MED13L: variants seen among roughly 807,000 people sequenced by gnomAD.
MED13L encodes the protein mediator complex subunit 13L, also known as mediator of RNA polymerase II transcription subunit 13-like.
In MED13L, 7 loss-of-function variants were observed where a neutral mutation model predicts 220.9. The ratio of observed to expected loss-of-function variants is 0.03; its 90% CI spans 0.02 to 0.06. The LOEUF (loss-of-function observed/expected upper bound fraction) is 0.06. Ranked by LOEUF, MED13L falls within the 10% of genes least tolerant of loss-of-function variation. MED13L has a pLI of 1.00. For synonymous variants in MED13L, 1,011 were observed against 1,015.2 expected (o/e 1.00, Z 0.08); for missense variants, 1,965 against 2,760.5 (o/e 0.71, Z 6.46).
chr12:116,014,301 C>T (rs1352905246), intron 8 of MED13L, among the ~76,000 whole-genome samples: 4 of 152,214 alleles, frequency 2.6e-5, no homozygotes, highest in African/African-American at 9.6e-5. Context: ...ATTTTACTGA[C>T]ATGCATGTCC....
chr12:116,227,876 A>T (rs1349241060), intron 2 of MED13L, among the ~76,000 whole-genome samples: 1 of 152,238 alleles, frequency 6.6e-6, no homozygotes, highest in Non-Finnish European at 1.5e-5. Context: ...AGATAGGCTG[A>T]AAACTAGTGC....
At chr12:116,114,662 T>G (rs546755234) in intron 2 of MED13L, among the ~76,000 whole-genome samples, 3 of 152,142 alleles carry the variant, frequency 2.0e-5, no homozygotes, top group African/African-American at 7.2e-5. Flanking sequence ...AAAGAAGAAA[T>G]AATCGTCTCT....
At chr12:116,133,366 G>A (rs2138013496) in intron 2 of MED13L, among the ~76,000 whole-genome samples, 1 of 152,288 alleles carries the variant, frequency 6.6e-6, no homozygotes, top group Admixed American at 6.5e-5. Flanking sequence ...TTAATGTTAA[G>A]AGGAGCAACA....
At position 116,102,377 on chromosome 12, in the gene MED13L, C is replaced by T. The variant is rs140452348; in HGVS notation, c.396-5625G>A. 9.4e-4 allele frequency among the ~76,000 whole-genome samples: 143 copies of T among 152,324 alleles called. 1 individual carries two copies. The highest frequency in any genetic ancestry group is 3.3e-3 in the African/African-American group (136 of 41,566). ...AAGGCAGCCCATCACTAGCTCTGTT[C>T]TTTTCTGTGCCCTTCAAATTATTTA... On this transcript the variant is annotated intron_variant, in intron 3 of 30. Coordinates refer to ENST00000281928, the MANE Select transcript of MED13L (RefSeq NM_015335.5).
intron 20 of MED13L, among the ~76,000 whole-genome samples, 193 bp from the exon 21 acceptor site, chr12:115,983,733 T>C (rs1877497347): frequency 6.6e-6 from 1 of 152,190 alleles, no homozygotes; most frequent in Non-Finnish European, 1.5e-5. Context: ...GAGCAACTTA[T>C]AAATTCTACA....
intron 10 of MED13L, 58 bp downstream of exon 10, chr12:116,008,343 G>A: frequency 6.5e-7 from 1 of 1,542,814 alleles, no homozygotes; most frequent in South Asian, 1.3e-5. Context: ...AGGTAGAGAT[G>A]GGGAGGGAGC....
chr12:116,232,756 A>G (rs928985392), intron 2 of MED13L, among the ~76,000 whole-genome samples: 2 of 152,088 alleles, frequency 1.3e-5, no homozygotes, highest in Non-Finnish European at 2.9e-5. Flanking sequence ...CCACTAACTA[A>G]CAGGCAGTGA....
At chr12:116,027,074 C>A (rs1880438187) in intron 4 of MED13L, among the ~76,000 whole-genome samples, 1 of 115,928 alleles carries the variant, frequency 8.6e-6, no homozygotes, top group Non-Finnish European at 1.7e-5. Flanking sequence ...TTTCCACACA[C>A]AATTTGCTTA....
intron 2 of MED13L, among the ~76,000 whole-genome samples, chr12:116,179,974 G>A (rs912584805): frequency 5.9e-5 from 9 of 152,126 alleles, no homozygotes; most frequent in Non-Finnish European, 1.0e-4. Context: ...GTAAGATGCT[G>A]GTCACGTCTC....
At chr12:116,254,567 G>A (rs1306354812) in intron 1 of MED13L, among the ~76,000 whole-genome samples, 3 of 151,990 alleles carry the variant, frequency 2.0e-5, no homozygotes, top group Non-Finnish European at 4.4e-5. Flanking sequence ...TGGTCAACAT[G>A]ATGAAACTCT....
rs142219633 is a variant in MED13L, at chr12:116,055,696, A to G, written c.480-33095T>C. Among the ~76,000 whole-genome samples the G allele has an allele frequency of 2.5e-3, 376 of 152,264 alleles. 2 individuals are homozygous for G. Among genetic ancestry groups the G allele is most frequent in the African/African-American group, 8.7e-3 (361 of 41,556 alleles). On this transcript the variant is annotated intron_variant, in intron 4 of 30. Coordinates refer to ENST00000281928, the MANE Select transcript of MED13L (RefSeq NM_015335.5). ...GATCACCTGAGGTCGGGAGTTCAAG[A>G]CCAGCCTAGCCAACATAGTGAAACC...
intron 1 of MED13L, among the ~76,000 whole-genome samples, chr12:116,255,176 G>C (rs1366978541): frequency 6.6e-6 from 1 of 152,120 alleles, no homozygotes; most frequent in Non-Finnish European, 1.5e-5. Context: ...TGTAGTACTG[G>C]CATAACAGAC....
At chr12:116,013,319 G>A (rs1390732942) in intron 8 of MED13L, among the ~76,000 whole-genome samples, 1 of 152,212 alleles carries the variant, frequency 6.6e-6, no homozygotes, top group Non-Finnish European at 1.5e-5. Flanking sequence ...AGGAATGATG[G>A]TGATGCCAAA....
intron 5 of MED13L, among the ~76,000 whole-genome samples, chr12:116,020,211 C>T (rs1022204664): frequency 1.1e-4 from 17 of 152,042 alleles, no homozygotes; most frequent in African/African-American, 3.9e-4. Context: ...GTGATGCTCC[C>T]GCCTTAGCCA....
chr12:115,986,943 A>C (rs1391110037), intron 18 of MED13L, among the ~76,000 whole-genome samples, 166 bp downstream of exon 18: 5 of 152,192 alleles, frequency 3.3e-5, no homozygotes, highest in Admixed American at 3.3e-4. Flanking sequence ...AGGAAACTTG[A>C]CTCCAAAAGT....
intron 4 of MED13L, among the ~76,000 whole-genome samples, chr12:116,088,357 T>C (rs936799138): frequency 2.0e-5 from 3 of 152,158 alleles, no homozygotes; most frequent in East Asian, 1.9e-4. Context: ...CTCTGGCCAA[T>C]TCCTACACTA....
At chr12:116,177,159 C>T (rs543930290) in intron 2 of MED13L, among the ~76,000 whole-genome samples, 5 of 152,226 alleles carry the variant, frequency 3.3e-5, no homozygotes, top group African/African-American at 9.6e-5. Context: ...CACTCACCAA[C>T]ACCGAAATCT....
intron 2 of MED13L, among the ~76,000 whole-genome samples, chr12:116,214,620 A>G: frequency 6.6e-6 from 1 of 152,184 alleles, no homozygotes; most frequent in East Asian, 1.9e-4. Context: ...AGGAAAATAT[A>G]ATTTTTCAAT....
intron 2 of MED13L, among the ~76,000 whole-genome samples, chr12:116,158,723 T>C (rs1303831011): frequency 2.0e-5 from 3 of 152,168 alleles, no homozygotes; most frequent in South Asian, 2.1e-4. Context: ...CTCATGTGAC[T>C]AGCATTGTGG....
Sources: gnomAD v4.1 joint callset for allele counts (sites outside exome capture counted in the v4.1 genomes callset) on GRCh38, gnomAD v4.1.1 for gene constraint, MANE v1.5 for transcripts, NCBI Gene and HGNC (gene_info 2026-07-23, HGNC 2026-07-21) for gene names.